The following ZNF804B variants were observed in gnomAD, a reference collection of about 807,000 sequenced individuals.
The protein encoded by ZNF804B is zinc finger protein 804B.
A neutral mutation model predicts 101.4 loss-of-function variants in ZNF804B; 80 were observed. The ratio of observed to expected loss-of-function variants is 0.79; its 90% CI spans 0.66 to 0.95. The LOEUF (loss-of-function observed/expected upper bound fraction) is 0.95. ZNF804B is among the 40% of genes least tolerant of loss of function. The pLI, the probability that ZNF804B is intolerant of heterozygous loss-of-function variation, is 0.00. For missense variants in ZNF804B, 1,673 were observed against 1,561.9 expected, an observed-to-expected ratio of 1.07 and a Z score of -1.20; for synonymous variants, 622 against 558.8, an observed-to-expected ratio of 1.11 and a Z score of -1.59.
chr7:89,183,370 T>A (rs35030629), intron 1 of ZNF804B, among the ~76,000 whole-genome samples: 63,369 of 151,788 alleles, frequency 0.42, 13,678 homozygotes, highest in Middle Eastern at 0.48. Context: ...GTAATTATAT[T>A]TAAATTAAAC....
intron 1 of ZNF804B, among the ~76,000 whole-genome samples, chr7:88,874,870 C>G (rs1216306838): frequency 1.4e-5 from 2 of 147,862 alleles, no homozygotes; most frequent in Non-Finnish European, 3.0e-5. Context: ...TTTTCAGCAC[C>G]ACACCACACC....
At chr7:89,262,754 A>G (rs925222055) in intron 2 of ZNF804B, among the ~76,000 whole-genome samples, 2 of 152,078 alleles carry the variant, frequency 1.3e-5, no homozygotes, top group Non-Finnish European at 2.9e-5. Context: ...GTTTTTTGTT[A>G]CAATCTCAAT....
intron 1 of ZNF804B, among the ~76,000 whole-genome samples, chr7:88,948,459 T>A (rs1470231197): frequency 6.6e-6 from 1 of 151,672 alleles, no homozygotes; most frequent in Non-Finnish European, 1.5e-5. Flanking sequence ...AAAGTCCCTT[T>A]ATGAAAGAAA....
intron 1 of ZNF804B, among the ~76,000 whole-genome samples, chr7:88,957,406 T>C (rs541766529): frequency 6.6e-6 from 1 of 151,574 alleles, no homozygotes; most frequent in Non-Finnish European, 1.5e-5. Context: ...TAAAGTGAAT[T>C]CATATTGGTA....
Position 89,268,616 on chromosome 7 carries a change from C to T in ZNF804B, c.249+50321C>T, listed in dbSNP as rs151222374. On this transcript the variant is annotated intron_variant, in intron 2 of 3. Coordinates refer to ENST00000333190, the MANE Select transcript of ZNF804B (RefSeq NM_181646.5). ...ATTTTCTTTTTAATAAAACAGAGCG[C>T]AAATTTAAGAGTCTTGTAATGGGAT... is the stretch of plus-strand genomic sequence containing the variant. Among the ~76,000 whole-genome samples, 575 of 151,734 alleles carry T rather than the reference C, an allele frequency of 3.8e-3. 3 individuals carry two copies. Among genetic ancestry groups the T allele is most frequent in the African/African-American group, 0.013 (552 of 41,328 alleles).
At chr7:88,895,416 A>G (rs2115939479) in intron 1 of ZNF804B, among the ~76,000 whole-genome samples, 1 of 152,338 alleles carries the variant, frequency 6.6e-6, no homozygotes, top group African/African-American at 2.4e-5. Flanking sequence ...GCTTAATTAG[A>G]TACTGATAGA....
At chr7:89,052,862 A>C (rs556293689) in intron 1 of ZNF804B, among the ~76,000 whole-genome samples, 2 of 152,314 alleles carry the variant, frequency 1.3e-5, no homozygotes, top group East Asian at 3.9e-4. Context: ...GAGTGTATGA[A>C]CACTACTTAC....
chr7:88,982,396 C>T (rs1391875379), intron 1 of ZNF804B, among the ~76,000 whole-genome samples: 2 of 152,070 alleles, frequency 1.3e-5, no homozygotes, highest in Non-Finnish European at 2.9e-5. Flanking sequence ...GCTGCCATAA[C>T]AAACTACCAT....
intron 2 of ZNF804B, among the ~76,000 whole-genome samples, chr7:89,318,083 T>A (rs1043212983): frequency 1.3e-5 from 2 of 152,166 alleles, no homozygotes; most frequent in Non-Finnish European, 2.9e-5. Context: ...TCATTTATGG[T>A]GATTAAAAGA....
At chr7:88,939,077 T>C (rs1246480553) in intron 1 of ZNF804B, among the ~76,000 whole-genome samples, 1 of 152,042 alleles carries the variant, frequency 6.6e-6, no homozygotes, top group African/African-American at 2.4e-5. Flanking sequence ...TGAGGAAGAT[T>C]GAAAATAAAA....
At chr7:88,894,770 G>A (rs1792262927) in intron 1 of ZNF804B, among the ~76,000 whole-genome samples, 1 of 152,014 alleles carries the variant, frequency 6.6e-6, no homozygotes, top group Admixed American at 6.6e-5. Flanking sequence ...GCTATATACT[G>A]CATTATTTTG....
intron 1 of ZNF804B, among the ~76,000 whole-genome samples, chr7:89,017,465 C>G (rs1213868321): frequency 6.6e-6 from 1 of 152,142 alleles, no homozygotes; most frequent in African/African-American, 2.4e-5. Flanking sequence ...ATGATATTGG[C>G]TATGTTTGTC....
chr7:88,975,564 G>A (rs74536501), intron 1 of ZNF804B, among the ~76,000 whole-genome samples: 1,895 of 151,404 alleles, frequency 0.013, 25 homozygotes, highest in Non-Finnish European at 0.021. Flanking sequence ...TTTGCCATTT[G>A]TATGTCTGCT....
chr7:89,336,567 A>G lies in ZNF804B; in HGVS notation c.3585A>G (p.Val1195=), dbSNP rs1791096423. The change falls in exon 4 of 4, where the codon GTA becomes GTG. Residue 1195 remains valine (V), a synonymous_variant. Coordinates refer to ENST00000333190, the MANE Select transcript of ZNF804B (RefSeq NM_181646.5). ...CTGCCTTCTCTCCGGCCTCAACCGT[A>G]CAGACAGTTCCAGTTCACCAGCACA... is the stretch of plus-strand genomic sequence containing the variant. ...GPTAFSPAST[V]QTVPVHQHTS... The G allele has an allele frequency of 6.2e-7, 1 of 1,614,088 alleles. No homozygotes were observed. Among genetic ancestry groups the G allele is most frequent in the Non-Finnish European group, 8.5e-7 (1 of 1,180,002 alleles).
intron 1 of ZNF804B, among the ~76,000 whole-genome samples, chr7:89,039,050 C>A (rs1454603961): frequency 6.6e-6 from 1 of 151,806 alleles, no homozygotes; most frequent in Non-Finnish European, 1.5e-5. Context: ...TTGCCAATAT[C>A]ACGACATTTT....
Position 89,335,314 on chromosome 7 carries a change from G to GA in ZNF804B, c.2334dup (p.Pro779ThrfsTer14). On this transcript the variant is annotated frameshift_variant, in exon 4 of 4. Coordinates refer to ENST00000333190, the MANE Select transcript of ZNF804B (RefSeq NM_181646.5). LOFTEE classifies it high-confidence loss of function. ...AACAAAGAGCAGCCAAATGCAGTCT[G>GA]AACCACAGAAAGAGAGGAACTGCAA... 1 of 1,613,658 alleles carries GA rather than the reference G, an allele frequency of 6.2e-7. No individual in the cohort carries two copies. Among genetic ancestry groups the GA allele is most frequent in the Non-Finnish European group, 8.5e-7 (1 of 1,179,932 alleles).
At chr7:89,155,918 C>G (rs916250837) in intron 1 of ZNF804B, among the ~76,000 whole-genome samples, 1 of 151,762 alleles carries the variant, frequency 6.6e-6, no homozygotes, top group African/African-American at 2.4e-5. Context: ...CTTTCTCTTT[C>G]TTTCCCTTGC....
chr7:88,815,474 A>G (rs1790861467), intron 1 of ZNF804B, among the ~76,000 whole-genome samples: 1 of 149,680 alleles, frequency 6.7e-6, no homozygotes, highest in Admixed American at 6.7e-5. Context: ...ATGTTATTAG[A>G]ATATATTATA....
At chr7:88,896,829 G>A (rs1792291794) in intron 1 of ZNF804B, among the ~76,000 whole-genome samples, 1 of 152,192 alleles carries the variant, frequency 6.6e-6, no homozygotes, top group South Asian at 2.1e-4. Context: ...TCTTTCAGAA[G>A]TGAGAAATTT....
Sources: allele counts gnomAD v4.1 joint callset (sites outside exome capture counted in the v4.1 genomes callset), GRCh38; gene constraint gnomAD v4.1.1; transcripts MANE v1.5; gene names NCBI Gene and HGNC (gene_info 2026-07-23, HGNC 2026-07-21).